The following RABGAP1L variants were observed in gnomAD, a reference collection of about 807,000 sequenced individuals.
The protein encoded by RABGAP1L is rab GTPase-activating protein 1-like.
In RABGAP1L, 63 loss-of-function variants were observed where a neutral mutation model predicts 137.7. The observed-to-expected ratio is 0.46, with a 90% CI of 0.37 to 0.56. RABGAP1L has a LOEUF of 0.56. Among genes scored for constraint, RABGAP1L ranks in the 20% least tolerant of loss-of-function variants. The probability of loss-of-function intolerance (pLI) is 0.00; values close to 1 mark genes in which losing one functional copy is unlikely to be tolerated. For synonymous variants in RABGAP1L, 431 were observed against 433.7 expected (o/e 0.99, Z 0.08); for missense variants, 1,095 against 1,244.0 (o/e 0.88, Z 1.80).
intron 12 of RABGAP1L, among the ~76,000 whole-genome samples, chr1:174,375,352 G>T (rs114657731): frequency 6.6e-6 from 1 of 151,664 alleles, no homozygotes; most frequent in Non-Finnish European, 1.5e-5. Flanking sequence ...GCAAGCAGAA[G>T]CAAGGAAATA....
chr1:174,392,351 G>A (rs911280973), intron 12 of RABGAP1L, among the ~76,000 whole-genome samples: 6 of 152,100 alleles, frequency 3.9e-5, no homozygotes, highest in Non-Finnish European at 2.9e-5. Flanking sequence ...CGGTTATGGA[G>A]GTGTATTTAA....
chr1:174,558,732 T>C (rs1234728412), intron 13 of RABGAP1L, among the ~76,000 whole-genome samples: 1 of 152,196 alleles, frequency 6.6e-6, no homozygotes, highest in Non-Finnish European at 1.5e-5. Context: ...GAAAAGTTAC[T>C]AGTACCATGG....
intron 13 of RABGAP1L, among the ~76,000 whole-genome samples, chr1:174,556,092 G>A (rs1666866376): frequency 6.6e-6 from 1 of 150,522 alleles, no homozygotes; most frequent in Non-Finnish European, 1.5e-5. Flanking sequence ...TCACCTCCTA[G>A]GTTCAAGCGA....
Position 174,920,524 on chromosome 1 carries a change from G to C in RABGAP1L, c.2341-36933G>C, listed in dbSNP as rs187912436. Among the ~76,000 whole-genome samples the C allele has an allele frequency of 8.5e-5, 13 of 152,318 alleles. No individual in the cohort carries two copies. In the East Asian group the frequency reaches 2.1e-3, roughly 25 times the overall value. On this transcript the variant is annotated intron_variant, in intron 19 of 25. Coordinates refer to ENST00000681986, the MANE Select transcript of RABGAP1L (RefSeq NM_001366446.1). ...AAGATGAGACTTGGATGGGGATGCA[G>C]CCAAACCATATCAACTACTGTTACG...
At chr1:174,468,711 C>T (rs1657572192) in intron 13 of RABGAP1L, among the ~76,000 whole-genome samples, 1 of 149,868 alleles carries the variant, frequency 6.7e-6, no homozygotes, top group Non-Finnish European at 1.5e-5. Flanking sequence ...CTATATCTAC[C>T]TCTTTCTCTC....
At chr1:174,542,539 A>T (rs56200626) in intron 13 of RABGAP1L, among the ~76,000 whole-genome samples, 31,839 of 152,044 alleles carry the variant, frequency 0.21, 3,673 homozygotes, top group Admixed American at 0.25. Context: ...CTTTTCAAAA[A>T]ACCAGCTCCT....
Position 174,231,304 on chromosome 1 carries a change from A to G in RABGAP1L, c.491A>G (p.Tyr164Cys), listed in dbSNP as rs755991034. Residue 164 changes from tyrosine (Y) to cysteine (C), a missense_variant, in exon 4 of 26, where the codon TAC (tyrosine) becomes TGC (cysteine). Transcript: ENST00000681986. ...GCAACCATGAAATCTTCCAGTCAAT[A>G]CCCCTTTCCTGTTACCCTGTATGTA... ...AMATMKSSSQ[Y>C]PFPVTLYVPN... 14 of 1,613,938 alleles carry G rather than the reference A, an allele frequency of 8.7e-6. No homozygotes were observed. Among genetic ancestry groups the G allele is most frequent in the Non-Finnish European group, 1.2e-5 (14 of 1,180,016 alleles).
chr1:174,927,488 C>G (rs1288086034), intron 19 of RABGAP1L, among the ~76,000 whole-genome samples: 1 of 152,052 alleles, frequency 6.6e-6, no homozygotes, highest in East Asian at 1.9e-4. Context: ...CCTTGGTCTC[C>G]CAAAGTGCTG....
Position 174,890,348 on chromosome 1 carries a change from A to G in RABGAP1L, c.2341-67109A>G, listed in dbSNP as rs140796842. 5.3e-3 allele frequency among the ~76,000 whole-genome samples: 808 copies of G among 152,304 alleles called. 9 individuals are homozygous for G. The highest frequency in any genetic ancestry group is 0.017 in the African/African-American group (725 of 41,578). On this transcript the variant is annotated intron_variant, in intron 19 of 25. Transcript: ENST00000681986. ...TATTCTATCTGCTTTTCTGAGTTGTACACTGAAGTTCATTTTCCTTGTGGG... is the reference window on the plus strand; with the variant it reads ...TATTCTATCTGCTTTTCTGAGTTGTGCACTGAAGTTCATTTTCCTTGTGGG...
chr1:174,730,197 C>T (rs911689222), intron 17 of RABGAP1L, among the ~76,000 whole-genome samples: 12 of 152,086 alleles, frequency 7.9e-5, no homozygotes, highest in Admixed American at 3.3e-4. Flanking sequence ...TGAATTAATA[C>T]GAGAACAGAA....
At chr1:174,335,388 A>C (rs1681392589) in intron 11 of RABGAP1L, among the ~76,000 whole-genome samples, 3 of 152,194 alleles carry the variant, frequency 2.0e-5, no homozygotes, top group Non-Finnish European at 4.4e-5. Context: ...TACAGATTTA[A>C]AGTTGCTTTT....
chr1:174,610,049 T>A (rs1008052879), intron 13 of RABGAP1L, among the ~76,000 whole-genome samples: 5 of 150,910 alleles, frequency 3.3e-5, no homozygotes, highest in African/African-American at 9.7e-5. Context: ...TTTTCTTTTT[T>A]TAAATTTATT....
At chr1:174,988,938 G>C (rs1671838482) in intron 25 of RABGAP1L, 100 bp downstream of exon 25, 1 of 1,077,716 alleles carries the variant, frequency 9.3e-7, no homozygotes, top group African/African-American at 1.6e-5. Context: ...AGAATTGTAT[G>C]ATGAATACAT....
intron 18 of RABGAP1L, among the ~76,000 whole-genome samples, chr1:174,762,925 G>A (rs937928927): frequency 6.8e-6 from 1 of 147,038 alleles, no homozygotes; most frequent in Non-Finnish European, 1.5e-5. Context: ...AGAGGTTCTC[G>A]TGCCTCAGCC....
chr1:174,971,350 A>G (rs1440868489), intron 21 of RABGAP1L, among the ~76,000 whole-genome samples: 1 of 152,022 alleles, frequency 6.6e-6, no homozygotes, highest in African/African-American at 2.4e-5. Context: ...AGAACCCTTT[A>G]TGTGAGTCAG....
intron 15 of RABGAP1L, among the ~76,000 whole-genome samples, chr1:174,685,971 A>C (rs1309157880): frequency 6.6e-6 from 1 of 152,212 alleles, no homozygotes; most frequent in African/African-American, 2.4e-5. Context: ...CTGGAGGAGA[A>C]ATGAAAGCTG....
At chr1:174,730,429 A>G (rs1682368148) in intron 17 of RABGAP1L, among the ~76,000 whole-genome samples, 2 of 152,236 alleles carry the variant, frequency 1.3e-5, no homozygotes, top group Admixed American at 1.3e-4. Context: ...CAATATAGCC[A>G]TGTAACCGAC....
chr1:174,719,261 A>G (rs1681287737), intron 17 of RABGAP1L, among the ~76,000 whole-genome samples: 1 of 152,070 alleles, frequency 6.6e-6, no homozygotes, highest in Non-Finnish European at 1.5e-5. Flanking sequence ...ACTTTAAAAG[A>G]TATCTTTAAT....
At chr1:174,792,866 C>G (rs1573219932) in intron 18 of RABGAP1L, among the ~76,000 whole-genome samples, 1 of 152,314 alleles carries the variant, frequency 6.6e-6, no homozygotes, top group South Asian at 2.1e-4. Flanking sequence ...AGTGCGGTGG[C>G]TCACGCCTAT....
Sources: gnomAD v4.1 joint callset for allele counts (sites outside exome capture counted in the v4.1 genomes callset) on GRCh38, gnomAD v4.1.1 for gene constraint, MANE v1.5 for transcripts, NCBI Gene and HGNC (gene_info 2026-07-23, HGNC 2026-07-21) for gene names.